Variants in MYO9A observed in about 807,000 individuals in gnomAD.
MYO9A encodes myosin IXA.
MYO9A carries 103 observed loss-of-function variants against 293.3 expected under a neutral mutation model. That is an observed-to-expected ratio of 0.35 (90% CI 0.30 to 0.41). The LOEUF is 0.41. Among genes scored for constraint, MYO9A ranks in the 10% least tolerant of loss-of-function variants. MYO9A has a pLI of 1.00. For missense variants in MYO9A, 2,685 were observed against 3,033.0 expected, an observed-to-expected ratio of 0.89 and a Z score of 2.69; for synonymous variants, 1,001 against 1,035.7, an observed-to-expected ratio of 0.97 and a Z score of 0.64.
chr15:71,979,027 A>G (rs1366008836), intron 11 of MYO9A, among the ~76,000 whole-genome samples: 1 of 152,170 alleles, frequency 6.6e-6, no homozygotes, highest in African/African-American at 2.4e-5. Context: ...GGCATCAGGT[A>G]AAATATCCCA....
rs917614351 is a variant in MYO9A at position 71,826,936 on chromosome 15, A to G, written c.7291T>C (p.Ser2431Pro). 9 of 1,614,002 alleles carry G rather than the reference A, an allele frequency of 5.6e-6. No homozygotes were observed. The African/African-American group carries it at 1.2e-4, about 22-fold the overall frequency. ...KQQDSLDVVD[S>P]SVSSLCLSNT... The stretch of plus-strand genomic sequence containing the variant: ...GACAGACATAAAGAGGAGACCGAAG[A>G]GTCCACGACATCTAAAGAGTCTTGC... The change falls in exon 42 of 42, where the codon TCT (serine) becomes CCT (proline). Residue 2431 changes from serine to proline, a missense_variant. Physicochemically the swap from Ser to Pro is moderately conservative, Grantham distance 74 (BLOSUM62 -1). Around this residue, in one of 10 missense-constraint regions of MYO9A, gnomAD observed 350 missense variants for 328.9 expected, o/e 1.06. Transcript: ENST00000356056.
chr15:71,853,091 CTGAATGAA>C (rs71131711), intron 35 of MYO9A, among the ~76,000 whole-genome samples: 11 of 151,370 alleles, frequency 7.3e-5, no homozygotes, highest in African/African-American at 2.2e-4. Flanking sequence ...AAGACTGTCT[CTGAATGAA>C]TGAATGAATG....
intron 2 of MYO9A, among the ~76,000 whole-genome samples, chr15:72,038,905 C>T (rs2078143093): frequency 6.6e-6 from 1 of 152,066 alleles, no homozygotes; most frequent in Non-Finnish European, 1.5e-5. Flanking sequence ...GTTTGTTTTA[C>T]AGCATGTATA....
Position 71,867,804 on chromosome 15 carries a change from A to T in MYO9A, c.5980-5193T>A, listed in dbSNP as rs1357734827. Among the ~76,000 whole-genome samples the T allele has an allele frequency of 1.3e-3, 26 of 20,608 alleles. 1 individual carries two copies. Among genetic ancestry groups the T allele is most frequent in the Non-Finnish European group, 8.7e-4 (8 of 9,238 alleles). The allele number at this position is 20,608 out of a possible 152,430, so 13.5% of individuals were successfully genotyped here. Reference sequence around the variant, plus strand: ...TTTCAATTCTGGGAATCCATCACACACACACACACACACACACACACACAC... The same window carrying T: ...TTTCAATTCTGGGAATCCATCACACTCACACACACACACACACACACACAC... On this transcript the variant is annotated intron_variant, in intron 32 of 41. Transcript: ENST00000356056.
At chr15:72,091,228 A>G (rs895442767) in intron 1 of MYO9A, among the ~76,000 whole-genome samples, 3 of 151,670 alleles carry the variant, frequency 2.0e-5, no homozygotes, top group South Asian at 2.1e-4. Flanking sequence ...TTTCATACCT[A>G]TTTTAATCAT....
chr15:72,082,718 A>G (rs1226181843), intron 1 of MYO9A, among the ~76,000 whole-genome samples: 3 of 151,622 alleles, frequency 2.0e-5, no homozygotes, highest in Non-Finnish European at 4.4e-5. Flanking sequence ...TACCTCGTTT[A>G]TTGAGAGTTT....
chr15:71,853,502 T>C (rs2055741628), intron 35 of MYO9A, among the ~76,000 whole-genome samples: 1 of 152,230 alleles, frequency 6.6e-6, no homozygotes, highest in Non-Finnish European at 1.5e-5. Flanking sequence ...ACCAAGTCTC[T>C]TGTAGACGGA....
intron 15 of MYO9A, among the ~76,000 whole-genome samples, chr15:71,946,836 G>A (rs556655565): frequency 1.2e-4 from 19 of 152,298 alleles, no homozygotes; most frequent in African/African-American, 4.1e-4. Flanking sequence ...GCTTTAGGCC[G>A]GATGTAGTGG....
rs373813028 is a variant in MYO9A, at chr15:71,935,354, G to T, written c.2509C>A (p.His837Asn). Reference sequence around the variant, plus strand: ...ATTAGTACTGACGTGAGAATTCCATGGGCTCTCTCCAGGAGTTTGCTGCTA... The same window carrying T: ...ATTAGTACTGACGTGAGAATTCCATTGGCTCTCTCCAGGAGTTTGCTGCTA... Reference protein sequence around the residue: ...STSSKLLERAHGILTRNKNFK... With the variant: ...STSSKLLERANGILTRNKNFK... Residue 837 changes from histidine to asparagine, a missense_variant, in exon 17 of 42, where the codon CAT becomes AAT. His to Asn is a moderately conservative substitution (Grantham distance 68, BLOSUM62 1). Transcript: ENST00000356056. 1 of 1,613,158 alleles carries T rather than the reference G, an allele frequency of 6.2e-7. No homozygotes were observed.
chr15:72,050,507 T>C (rs2078525341), intron 1 of MYO9A, among the ~76,000 whole-genome samples: 1 of 152,074 alleles, frequency 6.6e-6, no homozygotes, highest in African/African-American at 2.4e-5. Context: ...CTCCGGAGGC[T>C]GAGGCAGGAG....
intron 34 of MYO9A, 81 bp downstream of exon 34, chr15:71,859,653 CA>C: frequency 8.7e-7 from 1 of 1,154,242 alleles, no homozygotes. Context: ...GTAAAACTAT[CA>C]AAAAGGCCTT....
At chr15:71,999,702 T>A in intron 9 of MYO9A, 149 bp downstream of exon 9, 1 of 536,282 alleles carries the variant, frequency 1.9e-6, no homozygotes, top group East Asian at 3.1e-5. Flanking sequence ...CAATGGAAAA[T>A]TCACAATCAA....
intron 1 of MYO9A, among the ~76,000 whole-genome samples, chr15:72,108,401 G>C (rs1044696721): frequency 6.6e-6 from 1 of 152,082 alleles, no homozygotes; most frequent in African/African-American, 2.4e-5. Flanking sequence ...ACAAGCACCA[G>C]AAGAACAAGT....
At chr15:71,940,461 T>TA (rs1416563928) in intron 15 of MYO9A, among the ~76,000 whole-genome samples, 2 of 151,926 alleles carry the variant, frequency 1.3e-5, no homozygotes, top group African/African-American at 4.8e-5. Context: ...CACTGCATTC[T>TA]AGCCTGGGTG....
chr15:72,096,758 A>G (rs541640470), intron 1 of MYO9A, among the ~76,000 whole-genome samples: 9 of 152,378 alleles, frequency 5.9e-5, no homozygotes, highest in African/African-American at 2.2e-4. Context: ...TGCCATTAAG[A>G]ACATTCATGA....
At chr15:71,847,293 T>C (rs995095309) in intron 39 of MYO9A, 1 of 323,522 alleles carries the variant, frequency 3.1e-6, no homozygotes, top group African/African-American at 2.1e-5. Flanking sequence ...AAGTAGAACC[T>C]GACTTGGGGC....
At chr15:72,037,796 A>G (rs1292121860) in intron 2 of MYO9A, among the ~76,000 whole-genome samples, 1 of 152,228 alleles carries the variant, frequency 6.6e-6, no homozygotes, top group East Asian at 1.9e-4. Context: ...CCAAAAAATT[A>G]AGAGACATGC....
At chr15:71,907,928 T>C (rs2057716504) in intron 19 of MYO9A, among the ~76,000 whole-genome samples, 1 of 152,228 alleles carries the variant, frequency 6.6e-6, no homozygotes, top group African/African-American at 2.4e-5. Flanking sequence ...TCTTCTGTTG[T>C]GCAGAAGCTC....
intron 32 of MYO9A, among the ~76,000 whole-genome samples, chr15:71,868,743 G>A (rs1274259711): frequency 3.9e-5 from 6 of 152,136 alleles, no homozygotes; most frequent in African/African-American, 9.6e-5. Context: ...AGTTTATACT[G>A]GAGAAAGAAA....
Sources: gnomAD v4.1 joint callset for allele counts (sites outside exome capture counted in the v4.1 genomes callset) on GRCh38, gnomAD v4.1.1 for gene constraint, gnomAD v4.1.1 regional missense constraint, MANE v1.5 for transcripts, NCBI Gene and HGNC (gene_info 2026-07-23, HGNC 2026-07-21) for gene names.